CDHR4: variants seen among roughly 807,000 people sequenced by gnomAD.
CDHR4 encodes the protein cadherin related family member 4, also known as cadherin-related family member 4.
Under a neutral mutation model 88.4 loss-of-function variants are expected in CDHR4, and 89 were observed. The observed-to-expected ratio is 1.01, with a 90% confidence interval of 0.85 to 1.20. The LOEUF (loss-of-function observed/expected upper bound fraction) is 1.20. Ranked by LOEUF, CDHR4 falls within the 50% of genes most tolerant of loss-of-function variation. The pLI, the probability that CDHR4 is intolerant of heterozygous loss-of-function variation, is 0.00. For synonymous variants in CDHR4, 368 were observed against 399.2 expected, an observed-to-expected ratio of 0.92 and a Z score of 0.93; for missense variants, 914 against 1,007.2, an observed-to-expected ratio of 0.91 and a Z score of 1.25.
At chr3:49,797,631 G>A (rs765027888) in intron 4 of CDHR4, among the ~76,000 whole-genome samples, 1 of 152,024 alleles carries the variant, frequency 6.6e-6, no homozygotes, top group East Asian at 1.9e-4. Flanking sequence ...ACAGGTGCCC[G>A]CCACCACGCC....
At chr3:49,796,379 C>T (rs1235857366) in intron 5 of CDHR4, among the ~76,000 whole-genome samples, 1 of 151,326 alleles carries the variant, frequency 6.6e-6, no homozygotes, top group Non-Finnish European at 1.5e-5. Context: ...TTTTTTTGCC[C>T]ATGTTGGAGC....
intron 1 of CDHR4, 30 bp from the exon 2 acceptor site, chr3:49,799,467 G>A (rs1246462180): frequency 1.9e-6 from 3 of 1,560,150 alleles, no homozygotes; most frequent in Non-Finnish European, 2.6e-6. Context: ...CAGGCTGGAG[G>A]CCCCCAGGCT....
At chr3:49,791,543 AG>A in intron 17 of CDHR4, 75 bp from the exon 18 acceptor site, 1 of 1,518,488 alleles carries the variant, frequency 6.6e-7, no homozygotes, top group Non-Finnish European at 8.9e-7. Flanking sequence ...GCCTGCCCCT[AG>A]GGGGCCAGAA....
In CDHR4 at chr3:49,793,692, T is replaced by G. The variant is rs1280210894; in HGVS notation, c.1514A>C (p.Tyr505Ser). Residue 505 changes from tyrosine (Y) to serine (S), a missense_variant, in exon 12 of 19, where the codon TAT (tyrosine) becomes TCT (serine). By Grantham distance (144) the Tyr-to-Ser change is moderately radical. Coordinates refer to ENST00000412678, the MANE Select transcript of CDHR4 (RefSeq NM_001007540.4). ...GEVHLLGPLD[Y>S]EQQRLYRLTV... is the part of the protein sequence containing the mutation. ...GAGCCTGTACAGCCTCTGCTGCTCA[T>G]AGTCCAAAGGTCCCAGGAGGTGAAC... 10 of 1,551,636 alleles carry G rather than the reference T, an allele frequency of 6.4e-6. No homozygotes were observed. The highest frequency in any genetic ancestry group is 8.7e-6 in the Non-Finnish European group (10 of 1,146,996).
Position 49,796,002 on chromosome 3 carries a change from G to T in CDHR4, c.651C>A (p.Ser217Arg), listed in dbSNP as rs764428313. ...QISVSFGQRQSCQGMVIVKVL... is the reference protein window; with the variant it reads ...QISVSFGQRQRCQGMVIVKVL... The stretch of plus-strand genomic sequence containing the variant: ...CCTTCACTATCACCATCCCTTGGCA[G>T]CTTTGCCTTTGTCCAAAGGACACTG... The change falls in exon 6 of 19, where the codon AGC (serine) becomes AGA (arginine). Residue 217 changes from serine to arginine, a missense_variant. Ser to Arg is a moderately radical substitution (Grantham distance 110). Transcript: ENST00000412678. 27 of 1,544,312 alleles carry T rather than the reference G, an allele frequency of 1.7e-5. No homozygotes were observed. The highest frequency in any genetic ancestry group is 2.4e-5 in the Non-Finnish European group (27 of 1,144,120).
At position 49,793,066 on chromosome 3, in the gene CDHR4, G is replaced by A. The variant is rs1279717692; in HGVS notation, c.1783C>T (p.Gln595Ter). The A allele has an allele frequency of 6.4e-7, 1 of 1,551,342 alleles. No individual in the cohort carries two copies. The highest frequency in any genetic ancestry group is 1.2e-5 in the South Asian group (1 of 84,048). Residue 595 changes from glutamine (Q) to a stop codon, truncating the protein, a stop_gained, in exon 14 of 19, where the codon CAG (glutamine) becomes TAG (stop). Coordinates refer to ENST00000412678, the MANE Select transcript of CDHR4 (RefSeq NM_001007540.4). LOFTEE classifies it high-confidence loss of function. ...YSYSIVGGNSQNRFILQGAIL... is the reference protein window; with the variant it reads ...YSYSIVGGNS ...GCCCCTTGCAGGATGAATCGGTTCT[G>A]GCTATTCCCTGAAAGCAGAATGACA...
chr3:49,793,225 G>C lies in CDHR4; in HGVS notation c.1710C>G (p.Thr570=). 1 of 1,551,652 alleles carries C rather than the reference G, an allele frequency of 6.4e-7. No homozygotes were observed. Among genetic ancestry groups the C allele is most frequent in the Non-Finnish European group, 8.7e-7 (1 of 1,146,992 alleles). The change falls in exon 13 of 19, where the codon ACC becomes ACG. Residue 570 remains threonine (T), a synonymous_variant. Coordinates refer to ENST00000412678, the MANE Select transcript of CDHR4 (RefSeq NM_001007540.4). The stretch of plus-strand genomic sequence containing the variant: ...CCTGAGGGATCTGGCATGACATCTT[G>C]GTCACCTCCACGCTACGGCCCAGAG... The part of the protein sequence containing the change: ...YAPLGRSVEV[T]KMSCQIPQEP...
intron 5 of CDHR4, 86 bp from the exon 6 acceptor site, chr3:49,796,132 C>A: frequency 1.1e-6 from 1 of 897,578 alleles, no homozygotes; most frequent in Non-Finnish European, 1.6e-6. Context: ...AAATAGGCAA[C>A]CTCACTTAGG....
upstream of CDHR4, among the ~76,000 whole-genome samples, chr3:49,800,872 C>T (rs954212084): frequency 1.4e-5 from 2 of 147,142 alleles, no homozygotes; most frequent in Admixed American, 1.3e-4. Flanking sequence ...ATGGTGAAAC[C>T]CTGTCTCTAC....
chr3:49,793,123 C>A lies in CDHR4; in HGVS notation c.1774+38G>T, dbSNP rs376333867. On this transcript the variant is annotated intron_variant, in intron 13 of 18. Coordinates refer to ENST00000412678, the MANE Select transcript of CDHR4 (RefSeq NM_001007540.4). ...AGAGACCATTGCTGGCCTTGGCCTG[C>A]CCCTCACTCACAACCTGGTGGTGCC... 60 of 1,550,752 alleles carry A rather than the reference C, an allele frequency of 3.9e-5. No individual in the cohort carries two copies. In the African/African-American group the frequency reaches 7.5e-4, roughly 19 times the overall value.
At chr3:49,794,850 T>C in intron 9 of CDHR4, 97 bp downstream of exon 9, 1 of 1,495,888 alleles carries the variant, frequency 6.7e-7, no homozygotes, top group Non-Finnish European at 9.0e-7. Context: ...CAGCCATCCC[T>C]CCACCCCCAC....
rs1466590817 is a variant in CDHR4 at position 49,790,845 on chromosome 3, C to T, written c.2354G>A (p.Arg785Gln). ...DYLFNTHTGARRWL is the reference protein window; with the variant it reads ...DYLFNTHTGAQRWL ...AGCTACTTGGCCTCAGAGCCAGCGCCGGGCTCCTGTGTGTGTGTTAAACAG... is the reference window on the plus strand; with the variant it reads ...AGCTACTTGGCCTCAGAGCCAGCGCTGGGCTCCTGTGTGTGTGTTAAACAG... Residue 785 changes from arginine (R) to glutamine (Q), a missense_variant, in exon 19 of 19, where the codon CGG (arginine) becomes CAG (glutamine). Arg to Gln is a conservative substitution (Grantham distance 43). Transcript: ENST00000412678. 10 of 1,551,302 alleles carry T rather than the reference C, an allele frequency of 6.4e-6. No individual in the cohort carries two copies. The African/African-American group carries it at 8.2e-5, about 13-fold the overall frequency.
chr3:49,791,396 G>A, intron 18 of CDHR4, 45 bp downstream of exon 18: 1 of 1,525,136 alleles, frequency 6.6e-7, no homozygotes, highest in South Asian at 1.3e-5. Flanking sequence ...ACTCAGATGG[G>A]GTGAGGGCCC....
At position 49,791,756 on chromosome 3, in the gene CDHR4, C is replaced by T. The variant is rs373288216; in HGVS notation, c.2241G>A (p.Pro747=). ...EGSIEGFLEA[P]KMEMSQAPSS... Reference sequence around the variant, plus strand: ...TGGGTGCCTGGGACATCTCCATCTTCGGTGCCTCCAGGAAACCCTCGATGG... The same window carrying T: ...TGGGTGCCTGGGACATCTCCATCTTTGGTGCCTCCAGGAAACCCTCGATGG... The change falls in exon 17 of 19, where the codon CCG becomes CCA. Residue 747 remains proline (P), a synonymous_variant. Coordinates refer to ENST00000412678, the MANE Select transcript of CDHR4 (RefSeq NM_001007540.4). The T allele has an allele frequency of 3.5e-5, 54 of 1,551,682 alleles. No individual in the cohort carries two copies. Among genetic ancestry groups the T allele is most frequent in the Non-Finnish European group, 4.5e-5 (52 of 1,146,980 alleles).
chr3:49,791,354 G>A, intron 18 of CDHR4, 87 bp downstream of exon 18: 1 of 1,389,126 alleles, frequency 7.2e-7, no homozygotes, highest in Non-Finnish European at 9.7e-7. Context: ...AGTAGGAGGA[G>A]ATATTGAGAT....
At chr3:49,792,424 G>A (rs1178957733) in intron 15 of CDHR4, 44 bp downstream of exon 15, 2 of 1,548,376 alleles carry the variant, frequency 1.3e-6, no homozygotes, top group African/African-American at 2.7e-5. Flanking sequence ...GGGGTCCATA[G>A]GTGGGTTGGG....
chr3:49,795,108 T>C lies in CDHR4; in HGVS notation c.1032-8A>G. The C allele has an allele frequency of 1.3e-6, 2 of 1,551,438 alleles. No homozygotes were observed. Among genetic ancestry groups the C allele is most frequent in the Non-Finnish European group, 1.7e-6 (2 of 1,146,932 alleles). On this transcript the variant is annotated splice_polypyrimidine_tract_variant and splice_region_variant and intron_variant, in intron 8 of 18. Coordinates refer to ENST00000412678, the MANE Select transcript of CDHR4 (RefSeq NM_001007540.4). This position sits in a 1 kb window ranked among gnomAD's most constrained non-coding sequence, Gnocchi z 5.4. Reference sequence around the variant, plus strand: ...GTCTCCGGGATTTGGGACCTGAGAGTATGCAGTGGCAGCAAGGCAGGAGTC... The same window carrying C: ...GTCTCCGGGATTTGGGACCTGAGAGCATGCAGTGGCAGCAAGGCAGGAGTC...
At chr3:49,794,817 G>T in intron 9 of CDHR4, 116 bp from the exon 10 acceptor site, 1 of 1,438,134 alleles carries the variant, frequency 7.0e-7, no homozygotes, top group South Asian at 1.3e-5. Flanking sequence ...CTGTTTTCCA[G>T]ACTGCAACAC....
upstream of CDHR4, among the ~76,000 whole-genome samples, chr3:49,801,927 C>T (rs143828105): frequency 4.1e-3 from 622 of 152,310 alleles, 2 homozygotes; most frequent in African/African-American, 0.014. Flanking sequence ...CTCAAAGGCC[C>T]CCATTGCTCC....
Sources: gnomAD v4.1 joint callset for allele counts (sites outside exome capture counted in the v4.1 genomes callset) on GRCh38, gnomAD v4.1.1 for gene constraint, Gnocchi (gnomAD v3.1) non-coding constraint, MANE v1.5 for transcripts, NCBI Gene and HGNC (gene_info 2026-07-23, HGNC 2026-07-21) for gene names.